The following NRG3 variants were observed in gnomAD, a reference collection of about 807,000 sequenced individuals.
The protein encoded by NRG3 is neuregulin 3.
Under a neutral mutation model 66.9 loss-of-function variants are expected in NRG3, and 31 were observed. The ratio of observed to expected loss-of-function variants is 0.46; its 90% CI spans 0.35 to 0.63. The LOEUF (loss-of-function observed/expected upper bound fraction) is 0.63. Among genes scored for constraint, NRG3 ranks in the 20% least tolerant of loss-of-function variants. The pLI is 0.00. For synonymous variants in NRG3, 393 were observed against 359.4 expected (o/e 1.09, Z -1.06); for missense variants, 910 against 878.9 (o/e 1.04, Z -0.45).
intron 1 of NRG3, among the ~76,000 whole-genome samples, chr10:82,086,626 G>A (rs1184424004): frequency 6.6e-6 from 1 of 152,118 alleles, no homozygotes; most frequent in African/African-American, 2.4e-5. Flanking sequence ...TCTAAAGATA[G>A]AGAGGAAACA....
intron 3 of NRG3, among the ~76,000 whole-genome samples, chr10:82,857,005 C>T (rs1009183529): frequency 6.6e-5 from 10 of 152,086 alleles, no homozygotes; most frequent in South Asian, 4.1e-4. Flanking sequence ...ATCCTTTAAT[C>T]GGTAATTGCA....
intron 8 of NRG3, among the ~76,000 whole-genome samples, chr10:82,984,114 C>G (rs752611638): frequency 6.6e-6 from 1 of 152,152 alleles, no homozygotes; most frequent in Non-Finnish European, 1.5e-5. Flanking sequence ...TGAATGTTTA[C>G]TGTTTAAATT....
At chr10:82,941,212 A>T (rs112308413) in intron 4 of NRG3, among the ~76,000 whole-genome samples, 1,682 of 152,044 alleles carry the variant, frequency 0.011, 35 homozygotes, top group African/African-American at 0.039. Flanking sequence ...TTATATGCCC[A>T]CCCTGCCAGG....
chr10:82,948,594 C>G (rs945254315), intron 4 of NRG3, among the ~76,000 whole-genome samples: 6 of 151,988 alleles, frequency 3.9e-5, no homozygotes, highest in African/African-American at 1.4e-4. Flanking sequence ...TTATTTAGAT[C>G]TTCTTTTAAG....
chr10:82,141,910 A>G (rs968754255), intron 1 of NRG3, among the ~76,000 whole-genome samples: 6 of 152,148 alleles, frequency 3.9e-5, no homozygotes, highest in Non-Finnish European at 7.3e-5. Context: ...AGAGGTGCAT[A>G]CTACGTGAAG....
intron 3 of NRG3, among the ~76,000 whole-genome samples, chr10:82,850,007 C>G (rs773434381): frequency 1.3e-5 from 2 of 152,110 alleles, no homozygotes; most frequent in South Asian, 2.1e-4. Context: ...CAGGGAGAAG[C>G]CTTCTGTAGT....
At chr10:82,347,364 A>C (rs367656596) in intron 1 of NRG3, among the ~76,000 whole-genome samples, 1 of 151,934 alleles carries the variant, frequency 6.6e-6, no homozygotes, top group Non-Finnish European at 1.5e-5. Context: ...AGTTTCCATG[A>C]AGTTGAGTGG....
At chr10:82,516,936 C>A (rs1032582792) in intron 2 of NRG3, among the ~76,000 whole-genome samples, 6 of 152,086 alleles carry the variant, frequency 3.9e-5, no homozygotes, top group Non-Finnish European at 8.8e-5. Context: ...GGGAAAAATG[C>A]AATTGAAAAT....
chr10:82,385,540 C>A (rs900040359), intron 2 of NRG3, among the ~76,000 whole-genome samples: 2 of 152,100 alleles, frequency 1.3e-5, no homozygotes, highest in Non-Finnish European at 2.9e-5. Flanking sequence ...CAAAACATTT[C>A]TCATGGTTTT....
intron 3 of NRG3, among the ~76,000 whole-genome samples, chr10:82,801,853 A>G (rs1840165837): frequency 6.6e-6 from 1 of 152,170 alleles, no homozygotes; most frequent in Admixed American, 6.5e-5. Context: ...ATCTGTTCCA[A>G]TAGACACATT....
At chr10:81,929,181 A>T (rs899251589) in intron 1 of NRG3, among the ~76,000 whole-genome samples, 4 of 152,014 alleles carry the variant, frequency 2.6e-5, no homozygotes, top group African/African-American at 9.7e-5. Context: ...ACGTCATGAC[A>T]TGGAAAATTT....
intron 1 of NRG3, among the ~76,000 whole-genome samples, chr10:82,074,117 G>T (rs573519758): frequency 5.4e-4 from 82 of 152,152 alleles, no homozygotes; most frequent in African/African-American, 1.9e-3. Context: ...AGGACAACGT[G>T]GCTGCTGTCA....
intron 3 of NRG3, among the ~76,000 whole-genome samples, chr10:82,806,488 A>G (rs1452726772): frequency 1.3e-5 from 2 of 152,198 alleles, no homozygotes; most frequent in Non-Finnish European, 2.9e-5. Flanking sequence ...GGTATTGGGT[A>G]ATGAGCTAGG....
intron 5 of NRG3, among the ~76,000 whole-genome samples, chr10:82,956,702 C>T (rs886877551): frequency 6.6e-6 from 1 of 151,874 alleles, no homozygotes; most frequent in African/African-American, 2.4e-5. Context: ...CTGAGACATG[C>T]ACTCTTACTT....
intron 4 of NRG3, among the ~76,000 whole-genome samples, chr10:82,904,039 A>G (rs1352325571): frequency 1.3e-5 from 2 of 152,090 alleles, no homozygotes; most frequent in Non-Finnish European, 2.9e-5. Flanking sequence ...GTATTTTAAC[A>G]TCTTCTTTTT....
intron 1 of NRG3, among the ~76,000 whole-genome samples, chr10:82,265,612 G>T: frequency 6.6e-6 from 1 of 152,146 alleles, no homozygotes; most frequent in East Asian, 1.9e-4. Context: ...GTAAAATATA[G>T]GACATGAACA....
At chr10:82,608,690 A>G (rs1424533727) in intron 2 of NRG3, among the ~76,000 whole-genome samples, 1 of 152,102 alleles carries the variant, frequency 6.6e-6, no homozygotes, top group South Asian at 2.1e-4. Context: ...TGATAAAAGA[A>G]GGCTGGAGGG....
rs552086956 is a variant in NRG3 at position 82,544,658 on chromosome 10, A to G, written c.953+185790A>G. Among the ~76,000 whole-genome samples the G allele has an allele frequency of 5.4e-4, 83 of 152,312 alleles. 1 individual carries two copies. The highest frequency in any genetic ancestry group is 2.7e-3 in the Admixed American group (41 of 15,292). ...ATGGAGGAGGGCTAGTTTGCTCTAC[A>G]CATCCATTGCCTTCCTAGATGAGTT... On this transcript the variant is annotated intron_variant, in intron 2 of 8. Coordinates refer to ENST00000372141, the MANE Select transcript of NRG3 (RefSeq NM_001010848.4).
At chr10:82,395,264 C>A (rs1334233952) in intron 2 of NRG3, among the ~76,000 whole-genome samples, 1 of 152,004 alleles carries the variant, frequency 6.6e-6, no homozygotes, top group African/African-American at 2.4e-5. Context: ...AAGCTTGTTG[C>A]ACGTTATTGT....
Sources: allele counts gnomAD v4.1 joint callset (sites outside exome capture counted in the v4.1 genomes callset), GRCh38; gene constraint gnomAD v4.1.1; transcripts MANE v1.5; gene names NCBI Gene and HGNC (gene_info 2026-07-23, HGNC 2026-07-21).